LRFN2: variants seen among roughly 807,000 people sequenced by gnomAD.
The protein encoded by LRFN2 is leucine rich repeat and fibronectin type III domain containing 2.
In LRFN2, 18 loss-of-function variants were observed where a neutral mutation model predicts 37.3. The ratio of observed to expected loss-of-function variants is 0.48; its 90% CI spans 0.33 to 0.72. The LOEUF (loss-of-function observed/expected upper bound fraction) is 0.72, where lower values mean the gene tolerates loss of function less well. LRFN2 is among the 30% of genes least tolerant of loss of function. The pLI is 0.02. For synonymous variants in LRFN2, 556 were observed against 466.6 expected (o/e 1.19, Z -2.47); for missense variants, 1,006 against 1,060.7 (o/e 0.95, Z 0.72).
intron 1 of LRFN2, among the ~76,000 whole-genome samples, chr6:40,462,060 C>T: frequency 6.6e-6 from 1 of 152,176 alleles, no homozygotes; most frequent in African/African-American, 2.4e-5. Flanking sequence ...TTACACATAC[C>T]TTTGTGAAAT....
chr6:40,566,484 C>T lies in LRFN2; in HGVS notation c.-19+20457G>A, dbSNP rs148190804. On this transcript the variant is annotated intron_variant, in intron 1 of 2. Transcript: ENST00000338305. ...CAATAGCAAAGACTTGGAACCAACC[C>T]AAATGTCCAACAATGATAGACTGGA... 4.2e-3 allele frequency among the ~76,000 whole-genome samples: 637 copies of T among 152,236 alleles called. 6 individuals carry two copies. The highest frequency in any genetic ancestry group is 0.014 in the African/African-American group (597 of 41,520).
intron 2 of LRFN2, among the ~76,000 whole-genome samples, chr6:40,429,289 C>G (rs1389119508): frequency 6.6e-6 from 1 of 152,194 alleles, no homozygotes; most frequent in Non-Finnish European, 1.5e-5. Context: ...ATCTTTGAGA[C>G]CCCTGGCAAG....
intron 1 of LRFN2, among the ~76,000 whole-genome samples, chr6:40,467,166 AGATGAT>A (rs35088407): frequency 0.019 from 2,852 of 148,470 alleles, 103 homozygotes; most frequent in African/African-American, 0.062. Flanking sequence ...AAGTTGAATG[AGATGAT>A]GATGATGATG....
At chr6:40,547,169 A>C (rs1313527170) in intron 1 of LRFN2, among the ~76,000 whole-genome samples, 1 of 150,446 alleles carries the variant, frequency 6.6e-6, no homozygotes, top group Non-Finnish European at 1.5e-5. Context: ...CAGTGGCACG[A>C]TCTCGGCTTA....
intron 1 of LRFN2, among the ~76,000 whole-genome samples, chr6:40,554,187 C>T (rs1016841975): frequency 1.3e-5 from 2 of 152,202 alleles, no homozygotes; most frequent in African/African-American, 4.8e-5. Context: ...TACTAAAGCA[C>T]AAGGAAGGTG....
chr6:40,412,994 G>A (rs1763006185), intron 2 of LRFN2, among the ~76,000 whole-genome samples: 1 of 152,150 alleles, frequency 6.6e-6, no homozygotes, highest in South Asian at 2.1e-4. Context: ...AGGAATCTAA[G>A]AAGGTCAATG....
At chr6:40,538,326 C>A (rs1337919059) in intron 1 of LRFN2, among the ~76,000 whole-genome samples, 1 of 152,088 alleles carries the variant, frequency 6.6e-6, no homozygotes. Context: ...AGCTGTGTAG[C>A]AGCCCCCCTT....
At chr6:40,425,309 C>T (rs1763326361) in intron 2 of LRFN2, among the ~76,000 whole-genome samples, 1 of 152,234 alleles carries the variant, frequency 6.6e-6, no homozygotes, top group South Asian at 2.1e-4. Context: ...ATGGCTGCAT[C>T]CCGGCTGACT....
intron 2 of LRFN2, among the ~76,000 whole-genome samples, chr6:40,415,602 G>C (rs1278408342): frequency 6.6e-6 from 1 of 152,168 alleles, no homozygotes; most frequent in Non-Finnish European, 1.5e-5. Flanking sequence ...CAGTTCCCCA[G>C]GACCTGCTCT....
chr6:40,558,279 G>C (rs980496417), intron 1 of LRFN2, among the ~76,000 whole-genome samples: 1 of 152,182 alleles, frequency 6.6e-6, no homozygotes, highest in Non-Finnish European at 1.5e-5. Context: ...TGTGTCCCCT[G>C]GCTCCTGAGG....
chr6:40,510,993 C>T (rs1242553408), intron 1 of LRFN2, among the ~76,000 whole-genome samples: 1 of 151,948 alleles, frequency 6.6e-6, no homozygotes, highest in Admixed American at 6.6e-5. Flanking sequence ...AAGGATAGAG[C>T]CAGGATAAAT....
At position 40,573,860 on chromosome 6, in the gene LRFN2, C is replaced by A. The variant is rs1010811607; in HGVS notation, c.-19+13081G>T. On this transcript the variant is annotated intron_variant, in intron 1 of 2. Transcript: ENST00000338305. ...AGGCATGGTGATGCTACTCGGGGAG[C>A]TAAAGGAGGAGAATCACTTGAACCT... is the stretch of plus-strand genomic sequence containing the variant. Among the ~76,000 whole-genome samples, 3 of 152,144 alleles carry A rather than the reference C, an allele frequency of 2.0e-5. No homozygotes were observed. In the East Asian group the frequency reaches 5.8e-4, roughly 29 times the overall value.
At chr6:40,461,212 A>G (rs1433727) in intron 1 of LRFN2, among the ~76,000 whole-genome samples, 63,385 of 151,816 alleles carry the variant, frequency 0.42, 13,832 homozygotes, top group Admixed American at 0.52. Context: ...TTCAAGACCA[A>G]CCTGGTCAAC....
At chr6:40,527,210 GGCCTAGA>G (rs1471111167) in intron 1 of LRFN2, among the ~76,000 whole-genome samples, 1 of 152,204 alleles carries the variant, frequency 6.6e-6, no homozygotes, top group East Asian at 1.9e-4. Context: ...CCTGAAGGAA[GGCCTAGA>G]GCTGCAGACA....
intron 1 of LRFN2, among the ~76,000 whole-genome samples, chr6:40,568,613 C>T (rs1767132254): frequency 6.6e-6 from 1 of 152,206 alleles, no homozygotes; most frequent in Non-Finnish European, 1.5e-5. Flanking sequence ...CTACTGTATC[C>T]TCTGAGTCAG....
chr6:40,585,852 T>TACACAC (rs59391301), intron 1 of LRFN2, among the ~76,000 whole-genome samples: 8 of 148,776 alleles, frequency 5.4e-5, no homozygotes, highest in African/African-American at 1.7e-4. Context: ...CACACACGCG[T>TACACAC]ACACACACAC....
At chr6:40,396,359 CGG>C (rs1762614204) in intron 2 of LRFN2, among the ~76,000 whole-genome samples, 1 of 152,174 alleles carries the variant, frequency 6.6e-6, no homozygotes, top group African/African-American at 2.4e-5. Context: ...TGCTGCCTCT[CGG>C]ACACTGCCCC....
chr6:40,399,348 C>A (rs964594506), intron 2 of LRFN2, among the ~76,000 whole-genome samples: 1 of 151,678 alleles, frequency 6.6e-6, no homozygotes, highest in East Asian at 1.9e-4. Flanking sequence ...TCACTGCCCC[C>A]ACCTGTTGTT....
At position 40,448,124 on chromosome 6, in the gene LRFN2, C is replaced by T. The variant is rs557179648; in HGVS notation, c.-18-14993G>A. On this transcript the variant is annotated intron_variant, in intron 1 of 2. Transcript: ENST00000338305. ...AGCGTGGGTCCTCCTGAGCAGTGTCCTTCACACCCGTGAATCCTTCCTCCA... is the reference window on the plus strand; with the variant it reads ...AGCGTGGGTCCTCCTGAGCAGTGTCTTTCACACCCGTGAATCCTTCCTCCA... Among the ~76,000 whole-genome samples, 8 of 152,278 alleles carry T rather than the reference C, an allele frequency of 5.3e-5. No individual in the cohort carries two copies. The South Asian group carries it at 1.4e-3, about 28-fold the overall frequency.
Sources: allele counts gnomAD v4.1 joint callset (sites outside exome capture counted in the v4.1 genomes callset), GRCh38; gene constraint gnomAD v4.1.1; transcripts MANE v1.5; gene names NCBI Gene and HGNC (gene_info 2026-07-23, HGNC 2026-07-21).